ARHGAP10: variants seen among roughly 807,000 people sequenced by gnomAD.
ARHGAP10 encodes the protein Rho GTPase activating protein 10.
Under a neutral mutation model 108.6 loss-of-function variants are expected in ARHGAP10, and 87 were observed. The observed-to-expected ratio is 0.80, with a 90% CI of 0.67 to 0.96. The LOEUF is 0.96. Among genes scored for constraint, ARHGAP10 ranks in the 40% least tolerant of loss-of-function variants. The pLI is 0.00. For missense variants in ARHGAP10, 939 were observed against 954.5 expected (o/e 0.98, Z 0.21); for synonymous variants, 347 against 341.1 (o/e 1.02, Z -0.19).
At chr4:147,930,879 C>A (rs1737650795) in intron 13 of ARHGAP10, among the ~76,000 whole-genome samples, 1 of 152,110 alleles carries the variant, frequency 6.6e-6, no homozygotes, top group African/African-American at 2.4e-5. Flanking sequence ...TTTTCTTTTG[C>A]ATCTGATTTT....
chr4:148,070,524 G>T (rs1730124342), intron 22 of ARHGAP10, among the ~76,000 whole-genome samples: 1 of 152,180 alleles, frequency 6.6e-6, no homozygotes, highest in South Asian at 2.1e-4. Flanking sequence ...ACTGTGGGCA[G>T]CTATACCTTA....
At chr4:147,909,442 T>C (rs1736640518) in intron 11 of ARHGAP10, among the ~76,000 whole-genome samples, 2 of 152,206 alleles carry the variant, frequency 1.3e-5, no homozygotes, top group South Asian at 4.1e-4. Flanking sequence ...CATCCTGAGA[T>C]GGCCTATCCA....
chr4:147,761,863 A>C (rs973597690), intron 1 of ARHGAP10, among the ~76,000 whole-genome samples: 2 of 152,224 alleles, frequency 1.3e-5, no homozygotes, highest in South Asian at 2.1e-4. Flanking sequence ...TAAGTGAATT[A>C]AATGAGTAGC....
chr4:147,750,554 C>T (rs1051032023), intron 1 of ARHGAP10, among the ~76,000 whole-genome samples: 4 of 151,710 alleles, frequency 2.6e-5, no homozygotes, highest in African/African-American at 7.3e-5. Flanking sequence ...CATTAATATC[C>T]GTTTTTATGT....
At chr4:147,749,211 C>T (rs1185829255) in intron 1 of ARHGAP10, among the ~76,000 whole-genome samples, 2 of 152,178 alleles carry the variant, frequency 1.3e-5, no homozygotes, top group East Asian at 3.8e-4. Context: ...ATTCCTGTAG[C>T]TTGCCTGGAT....
intron 3 of ARHGAP10, among the ~76,000 whole-genome samples, chr4:147,824,979 C>T (rs980824028): frequency 1.3e-5 from 2 of 152,132 alleles, no homozygotes; most frequent in Admixed American, 6.5e-5. Flanking sequence ...ATTACCTTGC[C>T]CTAGATCACA....
rs143394176 is a variant in ARHGAP10, at chr4:147,732,419, A to G, written c.118A>G (p.Ile40Val). The G allele has an allele frequency of 3.0e-4, 491 of 1,612,766 alleles. No homozygotes were observed. Among genetic ancestry groups the G allele is most frequent in the Non-Finnish European group, 4.0e-4 (469 of 1,179,434 alleles). Residue 40 changes from isoleucine to valine, a missense_variant, in exon 1 of 23, where the codon ATT becomes GTT. Coordinates refer to ENST00000336498, the MANE Select transcript of ARHGAP10 (RefSeq NM_024605.4). Reference protein sequence around the residue: ...ERTNKFIKELIKDGKNLIAAT... With the variant: ...ERTNKFIKELVKDGKNLIAAT... ...GACCAACAAGTTCATCAAAGAGCTCATTAAGGACGGGAAGAACCTCATCGC... is the reference window on the plus strand; with the variant it reads ...GACCAACAAGTTCATCAAAGAGCTCGTTAAGGACGGGAAGAACCTCATCGC...
chr4:147,797,631 T>C (rs893963228), intron 1 of ARHGAP10, among the ~76,000 whole-genome samples: 1 of 152,120 alleles, frequency 6.6e-6, no homozygotes, highest in African/African-American at 2.4e-5. Context: ...CAGGATGATC[T>C]CGATCTCTTG....
chr4:147,909,612 C>A, intron 11 of ARHGAP10, 120 bp from the exon 12 acceptor site: 1 of 819,716 alleles, frequency 1.2e-6, no homozygotes, highest in Non-Finnish European at 1.9e-6. Context: ...TATTCTATCA[C>A]ATTAACCAGA....
At chr4:147,843,679 G>A (rs1458118005) in intron 3 of ARHGAP10, among the ~76,000 whole-genome samples, 1 of 152,038 alleles carries the variant, frequency 6.6e-6, no homozygotes, top group Non-Finnish European at 1.5e-5. Context: ...GGCACTGCCC[G>A]GCTAATTTTG....
intron 6 of ARHGAP10, chr4:147,866,064 A>G (rs1478980615): frequency 6.6e-6 from 1 of 152,222 alleles, no homozygotes; most frequent in Non-Finnish European, 1.5e-5. Context: ...AGAGCCCCAG[A>G]TTCCTAACCA....
chr4:147,898,042 A>T (rs1736071313), intron 10 of ARHGAP10, among the ~76,000 whole-genome samples: 1 of 151,864 alleles, frequency 6.6e-6, no homozygotes, highest in African/African-American at 2.4e-5. Flanking sequence ...TTTAGTAGAG[A>T]TGGGGTTTCA....
Position 148,064,397 on chromosome 4 carries a change from G to C in ARHGAP10, c.2181-19G>C. The C allele has an allele frequency of 6.2e-7, 1 of 1,610,830 alleles. No individual in the cohort carries two copies. The highest frequency in any genetic ancestry group is 1.7e-5 in the Admixed American group (1 of 59,620). On this transcript the variant is annotated intron_variant, in intron 21 of 22. Coordinates refer to ENST00000336498, the MANE Select transcript of ARHGAP10 (RefSeq NM_024605.4). ...TTCCACATTTTCATTGGTGTCTTTT[G>C]TATTCTCTTTCTTTTCAGCATCCGC...
chr4:148,005,798 G>C (rs1242002203), intron 18 of ARHGAP10, among the ~76,000 whole-genome samples: 1 of 152,218 alleles, frequency 6.6e-6, no homozygotes, highest in Non-Finnish European at 1.5e-5. Flanking sequence ...AGCAGTGAGA[G>C]AAGTATTTAC....
At chr4:147,948,766 C>A (rs1738481608) in intron 15 of ARHGAP10, among the ~76,000 whole-genome samples, 1 of 151,666 alleles carries the variant, frequency 6.6e-6, no homozygotes, top group Non-Finnish European at 1.5e-5. Flanking sequence ...ACCATCCTTG[C>A]TAACACGGTG....
chr4:147,960,715 A>C (rs1738957352), intron 16 of ARHGAP10, among the ~76,000 whole-genome samples: 1 of 152,238 alleles, frequency 6.6e-6, no homozygotes, highest in Non-Finnish European at 1.5e-5. Context: ...AAACATCATC[A>C]GAAGCCCTTT....
At chr4:147,787,972 A>T (rs1023069032) in intron 1 of ARHGAP10, among the ~76,000 whole-genome samples, 5 of 152,180 alleles carry the variant, frequency 3.3e-5, no homozygotes, top group African/African-American at 1.2e-4. Flanking sequence ...AGGGCTAAGA[A>T]TTTAAAACCC....
At chr4:148,000,287 T>C (rs2149644136) in intron 18 of ARHGAP10, among the ~76,000 whole-genome samples, 1 of 152,348 alleles carries the variant, frequency 6.6e-6, no homozygotes, top group Non-Finnish European at 1.5e-5. Context: ...TAGTATTCCA[T>C]GGTGTATATG....
chr4:147,961,428 T>A (rs188483210), intron 16 of ARHGAP10, among the ~76,000 whole-genome samples: 24 of 152,232 alleles, frequency 1.6e-4, no homozygotes, highest in Non-Finnish European at 3.1e-4. Flanking sequence ...CTTTCTAATC[T>A]GATTGCATGC....
Sources: allele counts gnomAD v4.1 joint callset (sites outside exome capture counted in the v4.1 genomes callset), GRCh38; gene constraint gnomAD v4.1.1; transcripts MANE v1.5; gene names NCBI Gene and HGNC (gene_info 2026-07-23, HGNC 2026-07-21).